Variants in LARGE1 observed in about 807,000 individuals in gnomAD.
LARGE1 encodes the protein LARGE xylosyl- and glucuronyltransferase 1, also known as xylosyl- and glucuronyltransferase LARGE1.
Under a neutral mutation model 87.6 loss-of-function variants are expected in LARGE1, and 43 were observed. The observed-to-expected ratio is 0.49, with a 90% confidence interval of 0.38 to 0.63. The LOEUF (loss-of-function observed/expected upper bound fraction) is 0.63. Ranked by LOEUF, LARGE1 falls within the 30% of genes least tolerant of loss-of-function variation. The pLI, the probability that LARGE1 is intolerant of heterozygous loss-of-function variation, is 0.00. For missense variants in LARGE1, 802 were observed against 1,000.2 expected (o/e 0.80, Z 2.67); for synonymous variants, 434 against 394.6 (o/e 1.10, Z -1.18).
At chr22:33,092,413 C>T in the LARGE1 span, among the ~76,000 whole-genome samples, 18 of 152,046 alleles carry the variant, frequency 1.2e-4, no homozygotes, top group Non-Finnish European at 2.2e-4. Context: ...TGCCTAAGCT[C>T]AGAACAAATA....
chr22:33,090,828 T>C, the LARGE1 span, among the ~76,000 whole-genome samples: 2 of 152,234 alleles, frequency 1.3e-5, no homozygotes, highest in African/African-American at 4.8e-5. Flanking sequence ...CTCTTGCTTA[T>C]CAATCCTTGA....
At chr22:33,304,894 A>G (rs1602327483) in intron 11 of LARGE1, among the ~76,000 whole-genome samples, 1 of 152,328 alleles carries the variant, frequency 6.6e-6, no homozygotes, top group South Asian at 2.1e-4. Context: ...GACCAGCCAG[A>G]GAGGACTTAC....
intron 3 of LARGE1, among the ~76,000 whole-genome samples, chr22:33,649,903 A>G (rs1009355606): frequency 3.9e-5 from 6 of 152,258 alleles, no homozygotes; most frequent in African/African-American, 1.4e-4. Context: ...TTCTTTAGAT[A>G]AGGAACAAGT....
At chr22:33,811,558 T>C (rs188719855) in intron 1 of LARGE1, among the ~76,000 whole-genome samples, 3 of 152,168 alleles carry the variant, frequency 2.0e-5, no homozygotes, top group African/African-American at 2.4e-5. Context: ...GAAAAAAAGA[T>C]TTCCCAAATA....
intron 11 of LARGE1, among the ~76,000 whole-genome samples, chr22:33,238,256 A>C (rs2145678506): frequency 6.6e-6 from 1 of 152,346 alleles, no homozygotes; most frequent in Non-Finnish European, 1.5e-5. Flanking sequence ...AATGCAACAA[A>C]AAGAGATAAA....
intron 6 of LARGE1, among the ~76,000 whole-genome samples, chr22:33,562,703 C>A (rs743728): frequency 6.6e-6 from 1 of 151,926 alleles, no homozygotes; most frequent in African/African-American, 2.4e-5. Flanking sequence ...ATAACCATGA[C>A]AATTCACGTT....
At chr22:33,576,566 T>C (rs1291341147) in intron 5 of LARGE1, among the ~76,000 whole-genome samples, 1 of 152,118 alleles carries the variant, frequency 6.6e-6, no homozygotes, top group East Asian at 1.9e-4. Context: ...GGGTATGCCA[T>C]AACCTGTCTA....
chr22:33,323,603 G>T (rs1368426993), intron 10 of LARGE1, among the ~76,000 whole-genome samples: 4 of 152,116 alleles, frequency 2.6e-5, no homozygotes, highest in Non-Finnish European at 5.9e-5. Flanking sequence ...ATAAAAAACT[G>T]TGGTCCCAGT....
At chr22:33,457,650 A>G (rs2147979447) in intron 6 of LARGE1, among the ~76,000 whole-genome samples, 1 of 152,332 alleles carries the variant, frequency 6.6e-6, no homozygotes, top group African/African-American at 2.4e-5. Context: ...AAAGTGTACA[A>G]AAAAGGAATG....
chr22:33,318,802 T>C (rs1488691194), intron 10 of LARGE1, among the ~76,000 whole-genome samples: 4 of 152,164 alleles, frequency 2.6e-5, no homozygotes, highest in African/African-American at 9.6e-5. Flanking sequence ...CATTTTTTTT[T>C]TTCTGTTAAA....
intron 1 of LARGE1, among the ~76,000 whole-genome samples, chr22:33,810,356 T>C (rs2086453977): frequency 1.3e-5 from 2 of 152,166 alleles, no homozygotes. Context: ...GGACCTCCGC[T>C]GAAGGCAACA....
chr22:33,125,426 C>T, the LARGE1 span, among the ~76,000 whole-genome samples: 21 of 150,294 alleles, frequency 1.4e-4, no homozygotes, highest in African/African-American at 4.2e-4. Flanking sequence ...GCTGTGAAGA[C>T]GAGTACACAT....
At chr22:33,142,595 A>T in the LARGE1 span, among the ~76,000 whole-genome samples, 1 of 152,194 alleles carries the variant, frequency 6.6e-6, no homozygotes, top group Admixed American at 6.5e-5. Context: ...GTTAAATAAG[A>T]GTAACCCCAA....
chr22:33,067,076 G>A, the LARGE1 span, among the ~76,000 whole-genome samples: 4 of 151,806 alleles, frequency 2.6e-5, no homozygotes, highest in Non-Finnish European at 4.4e-5. Context: ...GACTGGCTCC[G>A]CTACACTGGG....
At chr22:33,617,706 G>A (rs1261493120) in intron 4 of LARGE1, among the ~76,000 whole-genome samples, 1 of 152,114 alleles carries the variant, frequency 6.6e-6, no homozygotes, top group Non-Finnish European at 1.5e-5. Context: ...CCCACATATT[G>A]CTGCAGACAT....
chr22:33,642,599 T>G lies in LARGE1; in HGVS notation c.408+7768A>C, dbSNP rs549076102. On this transcript the variant is annotated intron_variant, in intron 3 of 14. Coordinates refer to ENST00000397394, the MANE Select transcript of LARGE1 (RefSeq NM_133642.5). ...AAAAGACACAGACTGGCAAATTGGA[T>G]AGAGTCAAGACCCATCAGTGTGCTG... is the stretch of plus-strand genomic sequence containing the variant. Among the ~76,000 whole-genome samples, 97 of 150,782 alleles carry G rather than the reference T, an allele frequency of 6.4e-4. No homozygotes were observed. In the South Asian group the frequency reaches 0.02, roughly 30 times the overall value.
chr22:33,186,978 G>A (rs1427919441), intron 11 of LARGE1, among the ~76,000 whole-genome samples: 1 of 152,120 alleles, frequency 6.6e-6, no homozygotes, highest in Non-Finnish European at 1.5e-5. Context: ...TATGTATCCT[G>A]TCTCCATTAG....
At chr22:33,104,933 TTCTTTCTTTC>T in the LARGE1 span, among the ~76,000 whole-genome samples, 1 of 119,412 alleles carries the variant, frequency 8.4e-6, no homozygotes, top group Non-Finnish European at 1.8e-5. Context: ...CTTTCTTTCT[TTCTTTCTTTC>T]TTTCTCTTTC....
At chr22:33,761,768 G>A (rs1341469007) in intron 1 of LARGE1, among the ~76,000 whole-genome samples, 2 of 152,016 alleles carry the variant, frequency 1.3e-5, no homozygotes, top group East Asian at 1.9e-4. Flanking sequence ...CTGTAAGCTC[G>A]CTCTCTCACA....
Sources: gnomAD v4.1 joint callset for allele counts (sites outside exome capture counted in the v4.1 genomes callset) on GRCh38, gnomAD v4.1.1 for gene constraint, MANE v1.5 for transcripts, NCBI Gene and HGNC (gene_info 2026-07-23, HGNC 2026-07-21) for gene names.